Variants in CSF2RA observed in about 807,000 individuals in gnomAD.
CSF2RA encodes granulocyte-macrophage colony-stimulating factor receptor subunit alpha.
Under a neutral mutation model 51.6 loss-of-function variants are expected in CSF2RA, and 42 were observed. The ratio of observed to expected loss-of-function variants is 0.81; its 90% CI spans 0.64 to 1.05. The LOEUF is 1.05. CSF2RA is among the 50% of genes least tolerant of loss of function. CSF2RA has a pLI of 0.00. For synonymous variants in CSF2RA, 222 were observed against 193.0 expected (o/e 1.15, Z -1.24); for missense variants, 530 against 501.1 (o/e 1.06, Z -0.55).
At chrX:1,286,401 T>A (rs1212274945) in intron 4 of CSF2RA, among the ~76,000 whole-genome samples, 1 of 151,930 alleles carries the variant, frequency 6.6e-6, no homozygotes, top group East Asian at 1.9e-4. Flanking sequence ...AAACCCCATC[T>A]CTACTAAAAA....
Position 1,268,817 on chromosome X carries a change from C to T in CSF2RA, c.-153C>T, listed in dbSNP as rs1233753904. ...CAGAGGAACTCTGAAGGGAGCTACT[C>T]AGAAGCGGGAGTCTCCGAGAGAAGA... On this transcript the variant is annotated 5_prime_UTR_variant, in exon 1 of 13. Coordinates refer to ENST00000381529, the MANE Select transcript of CSF2RA (RefSeq NM_172245.4). The T allele has an allele frequency of 2.2e-6, 1 of 454,028 alleles. No homozygotes were observed. Among genetic ancestry groups the T allele is most frequent in the East Asian group, 7.0e-5 (1 of 14,380 alleles). 28.1% of individuals were successfully genotyped at this position (454,028 alleles called of 1,614,324 possible).
intron 6 of CSF2RA, chrX:1,289,168 G>C: frequency 2.1e-6 from 1 of 476,510 alleles, no homozygotes; most frequent in Non-Finnish European, 3.8e-6. Flanking sequence ...CTGTCGCCCA[G>C]GCTGGAGTGT....
intron 8 of CSF2RA, among the ~76,000 whole-genome samples, chrX:1,294,856 A>T (rs1183668835): frequency 1.3e-5 from 1 of 75,234 alleles, no homozygotes; most frequent in Non-Finnish European, 2.9e-5. Flanking sequence ...ACCTCCACCT[A>T]CACCCAGTGT....
chrX:1,317,882 C>T, the CSF2RA span, among the ~76,000 whole-genome samples: 20 of 151,464 alleles, frequency 1.3e-4, no homozygotes, highest in Admixed American at 4.6e-4. Flanking sequence ...TCTTGGCTCA[C>T]GGCAGCCTCA....
downstream of CSF2RA, among the ~76,000 whole-genome samples, chrX:1,311,455 G>T (rs1201172510): frequency 6.1e-5 from 9 of 148,114 alleles, no homozygotes; most frequent in African/African-American, 2.0e-4. Context: ...TTTTTTTTAA[G>T]TTGGAGTCTT....
chrX:1,309,222 G>T (rs578188306), intron 12 of CSF2RA, among the ~76,000 whole-genome samples, 180 bp from the exon 13 acceptor site: 15 of 152,278 alleles, frequency 9.9e-5, no homozygotes, highest in African/African-American at 3.4e-4. Flanking sequence ...GGCTGAGGCA[G>T]GAGAATCGCT....
chrX:1,281,381 C>G (rs2090043191), intron 2 of CSF2RA, among the ~76,000 whole-genome samples: 2 of 136,824 alleles, frequency 1.5e-5, no homozygotes, highest in Non-Finnish European at 3.1e-5. Flanking sequence ...TTCTCCTCCT[C>G]CTCCCTCTCC....
At chrX:1,300,056 A>G (rs1260255026) in intron 9 of CSF2RA, among the ~76,000 whole-genome samples, 1 of 148,822 alleles carries the variant, frequency 6.7e-6, no homozygotes, top group Non-Finnish European at 1.5e-5. Flanking sequence ...TCTCCACTAA[A>G]AATACAACAA....
At chrX:1,322,929 A>G in the CSF2RA span, among the ~76,000 whole-genome samples, 4 of 151,110 alleles carry the variant, frequency 2.6e-5, no homozygotes, top group African/African-American at 9.8e-5. Flanking sequence ...GGAGATCGAG[A>G]CCATCCTGGC....
chrX:1,319,378 C>T, the CSF2RA span, among the ~76,000 whole-genome samples: 1 of 149,816 alleles, frequency 6.7e-6, no homozygotes, highest in Non-Finnish European at 1.5e-5. Flanking sequence ...GCCTCAGACT[C>T]CCCGGCTTAG....
chrX:1,282,867 C>G, intron 3 of CSF2RA, 88 bp downstream of exon 3: 1 of 1,118,430 alleles, frequency 8.9e-7, no homozygotes, highest in South Asian at 1.2e-5. Flanking sequence ...CTGGGTCCAT[C>G]TGCATTTCAT....
intron 2 of CSF2RA, among the ~76,000 whole-genome samples, chrX:1,277,189 C>A (rs1427015688): frequency 6.6e-6 from 1 of 152,080 alleles, no homozygotes; most frequent in African/African-American, 2.4e-5. Flanking sequence ...CTCATTATAA[C>A]CCCTTCCTAC....
intron 7 of CSF2RA, among the ~76,000 whole-genome samples, chrX:1,290,760 A>G (rs1477655612): frequency 6.6e-6 from 1 of 151,902 alleles, no homozygotes; most frequent in East Asian, 1.9e-4. Flanking sequence ...AGCTACTCGG[A>G]AGGCTGAGGA....
chrX:1,291,169 G>T (rs1347778394), intron 7 of CSF2RA, among the ~76,000 whole-genome samples: 2 of 152,022 alleles, frequency 1.3e-5, no homozygotes, highest in South Asian at 4.2e-4. Flanking sequence ...TGATCCACCT[G>T]CCTCAGCCTC....
rs1237901081 is a variant in CSF2RA at position 1,305,640 on chromosome X, C to T, written c.1125+113C>T. On this transcript the variant is annotated intron_variant, in intron 12 of 12. Transcript: ENST00000381529. ...GCTTCTCCACCAGATGGGACCGCAG[C>T]GTCACCACCGGTGTGGCTGGAATCT... 3.7e-6 allele frequency: 6 copies of T among 1,611,582 alleles called. No homozygotes were observed. In the African/African-American group the frequency reaches 4.0e-5, roughly 11 times the overall value.
intron 3 of CSF2RA, among the ~76,000 whole-genome samples, chrX:1,285,063 T>TTA (rs1556514561): frequency 6.7e-6 from 1 of 150,362 alleles, no homozygotes; most frequent in African/African-American, 2.4e-5. Flanking sequence ...TTTAAATTTT[T>TTA]AAAAAAAAAT....
At chrX:1,281,033 CCTCATTCTCCTCCTG>C (rs2089941527) in intron 2 of CSF2RA, among the ~76,000 whole-genome samples, 1 of 77,486 alleles carries the variant, frequency 1.3e-5, no homozygotes, top group African/African-American at 4.1e-5. Context: ...TTCTCCTCCT[CCTCATTCTCCTCCTG>C]CTCCCCTTCT....
intron 2 of CSF2RA, among the ~76,000 whole-genome samples, chrX:1,276,504 GC>G (rs2089215751): frequency 6.6e-6 from 1 of 151,908 alleles, no homozygotes; most frequent in Non-Finnish European, 1.5e-5. Flanking sequence ...CTCGCGAGTA[GC>G]TGGGAGTACA....
intron 2 of CSF2RA, among the ~76,000 whole-genome samples, chrX:1,280,964 T>TCCTTCTC (rs2089905800): frequency 3.7e-5 from 1 of 27,372 alleles, no homozygotes; most frequent in African/African-American, 9.5e-5. Flanking sequence ...TCCTCCTCCT[T>TCCTTCTC]CTCCTCCTCC....
Sources: allele counts gnomAD v4.1 joint callset (sites outside exome capture counted in the v4.1 genomes callset), GRCh38; gene constraint gnomAD v4.1.1; transcripts MANE v1.5; gene names NCBI Gene and HGNC (gene_info 2026-07-23, HGNC 2026-07-21).